IQGAP2: variants seen among roughly 807,000 people sequenced by gnomAD.
IQGAP2 encodes the protein ras GTPase-activating-like protein IQGAP2.
Under a neutral mutation model 201.3 loss-of-function variants are expected in IQGAP2, and 173 were observed. The observed-to-expected ratio is 0.86, with a 90% CI of 0.76 to 0.98. The LOEUF (loss-of-function observed/expected upper bound fraction) is 0.98, where lower values mean the gene tolerates loss of function less well. Among genes scored for constraint, IQGAP2 ranks in the 50% least tolerant of loss-of-function variants. IQGAP2 has a pLI of 0.00. For missense variants in IQGAP2, 1,687 were observed against 1,864.8 expected (o/e 0.90, Z 1.76); for synonymous variants, 675 against 673.9 (o/e 1.00, Z -0.03).
At chr5:76,598,019 G>C (rs992393304) in intron 10 of IQGAP2, among the ~76,000 whole-genome samples, 1 of 152,056 alleles carries the variant, frequency 6.6e-6, no homozygotes, top group Non-Finnish European at 1.5e-5. Context: ...TTTGATTTTT[G>C]TGAACTTGTG....
intron 2 of IQGAP2, among the ~76,000 whole-genome samples, chr5:76,469,554 G>C (rs1754992722): frequency 6.6e-6 from 1 of 152,074 alleles, no homozygotes; most frequent in African/African-American, 2.4e-5. Context: ...ACAGAAGTAT[G>C]CCACCATGTC....
At chr5:76,550,958 G>T (rs1056441076) in intron 2 of IQGAP2, among the ~76,000 whole-genome samples, 1 of 149,976 alleles carries the variant, frequency 6.7e-6, no homozygotes, top group Admixed American at 6.6e-5. Flanking sequence ...CCTCCCTCCC[G>T]GATGGGGCGA....
chr5:76,618,655 G>GA lies in IQGAP2; in HGVS notation c.1521+7475dup, dbSNP rs368293444. 846 of 1,591,102 alleles carry GA rather than the reference G, an allele frequency of 5.3e-4. 5 individuals carry two copies. The African/African-American group carries it at 0.01, about 19-fold the overall frequency. On this transcript the variant is annotated intron_variant, in intron 13 of 35. Coordinates refer to ENST00000274364, the MANE Select transcript of IQGAP2 (RefSeq NM_006633.5). ...TCATTTTCCATGCCTGTAATTGAAA[G>GA]AAAGTATTAACATAAATGTATAGTT... is the stretch of plus-strand genomic sequence containing the variant.
intron 15 of IQGAP2, among the ~76,000 whole-genome samples, chr5:76,632,429 T>C (rs1750786471): frequency 6.6e-6 from 1 of 152,162 alleles, no homozygotes. Flanking sequence ...TAAAGTACAA[T>C]GAGCCAGCCT....
intron 1 of IQGAP2, among the ~76,000 whole-genome samples, chr5:76,418,809 G>C (rs1328358064): frequency 6.6e-6 from 1 of 152,132 alleles, no homozygotes; most frequent in Non-Finnish European, 1.5e-5. Flanking sequence ...TTATTCTCAG[G>C]AAAAGTAGGG....
In IQGAP2 at chr5:76,668,646, A is replaced by AT. The variant is rs112970756; in HGVS notation, c.2680-28dup. 1,669 of 1,563,434 alleles carry AT rather than the reference A, an allele frequency of 1.1e-3. 29 individuals carry two copies. In the African/African-American group the frequency reaches 0.018, roughly 17 times the overall value. ...ATATATTAACTTATTGTTTTGTGGG[A>AT]TTTTTTTGTTTTCTTTTTCCTTCTT... On this transcript the variant is annotated intron_variant, in intron 22 of 35. Transcript: ENST00000274364.
Position 76,407,635 on chromosome 5 carries a change from T to G in IQGAP2, c.46+4044T>G, listed in dbSNP as rs188438117. ...CAAAAGGATCTTTAAGGTCAACAGCTAAAGTGTTATTTTAGTATGGTTTTA... is the reference window on the plus strand; with the variant it reads ...CAAAAGGATCTTTAAGGTCAACAGCGAAAGTGTTATTTTAGTATGGTTTTA... On this transcript the variant is annotated intron_variant, in intron 1 of 35. Transcript: ENST00000274364. Among the ~76,000 whole-genome samples the G allele has an allele frequency of 4.0e-4, 61 of 152,352 alleles. No homozygotes were observed. In the East Asian group the frequency reaches 0.011, roughly 27 times the overall value.
Position 76,627,439 on chromosome 5 carries a change from G to T in IQGAP2, c.1551G>T (p.Trp517Cys). 3 of 1,603,890 alleles carry T rather than the reference G, an allele frequency of 1.9e-6. No homozygotes were observed. Among genetic ancestry groups the T allele is most frequent in the Non-Finnish European group, 1.7e-6 (2 of 1,170,794 alleles). ...GDSESVSKVL[W>C]LDEIQQAVDD... is the part of the protein sequence containing the mutation. ...CTGAGAGTGTTTCCAAAGTGCTTTG[G>T]CTGGATGAGATACAGCAAGCCGTCG... The change falls in exon 14 of 36, where the codon TGG becomes TGT. Residue 517 changes from tryptophan to cysteine, a missense_variant. By Grantham distance (215) the Trp-to-Cys change is radical. Transcript: ENST00000274364.
intron 2 of IQGAP2, among the ~76,000 whole-genome samples, chr5:76,493,707 C>T (rs768885659): frequency 9.9e-5 from 15 of 152,100 alleles, no homozygotes; most frequent in East Asian, 9.6e-4. Context: ...TTTTGTTTAA[C>T]GATGTGTCTC....
intron 13 of IQGAP2, among the ~76,000 whole-genome samples, chr5:76,625,495 G>C (rs1189129374): frequency 1.3e-5 from 2 of 151,954 alleles, no homozygotes; most frequent in Non-Finnish European, 2.9e-5. Flanking sequence ...CTTCCTGTTT[G>C]AGCCTCCCCC....
Position 76,463,087 on chromosome 5 carries a change from C to T in IQGAP2, c.146+1418C>T, listed in dbSNP as rs188918437. Among the ~76,000 whole-genome samples, 659 of 136,098 alleles carry T rather than the reference C, an allele frequency of 4.8e-3. 6 individuals are homozygous for T. Among genetic ancestry groups the T allele is most frequent in the Non-Finnish European group, 7.5e-3 (491 of 65,662 alleles). 89.3% of individuals were successfully genotyped at this position (136,098 alleles called of 152,430 possible). The stretch of plus-strand genomic sequence containing the variant: ...GCAGTGAGCTGAGATCGGGCTGCTG[C>T]ACTCCAGCCTGGGTGGCAGAGTGAG... On this transcript the variant is annotated intron_variant, in intron 2 of 35. Transcript: ENST00000274364.
At chr5:76,496,702 C>CTCTT (rs1225103131) in intron 2 of IQGAP2, among the ~76,000 whole-genome samples, 1,967 of 81,006 alleles carry the variant, frequency 0.024, 135 homozygotes, top group Non-Finnish European at 0.029. Context: ...TTCTTTCTGT[C>CTCTT]TCTTTCTTTC....
chr5:76,480,080 C>T (rs1367558578), intron 2 of IQGAP2, among the ~76,000 whole-genome samples: 2 of 152,178 alleles, frequency 1.3e-5, no homozygotes, highest in Admixed American at 6.5e-5. Context: ...TGCCACTTTA[C>T]GCACCCACAG....
At chr5:76,612,733 T>C (rs1343296646) in intron 13 of IQGAP2, among the ~76,000 whole-genome samples, 2 of 151,830 alleles carry the variant, frequency 1.3e-5, no homozygotes, top group Non-Finnish European at 2.9e-5. Flanking sequence ...GGAATATAGA[T>C]AGGCTTGTGT....
In IQGAP2 at chr5:76,637,292, A is replaced by C. The variant is rs35261603; in HGVS notation, c.1923+116A>C. On this transcript the variant is annotated intron_variant, in intron 16 of 35. Coordinates refer to ENST00000274364, the MANE Select transcript of IQGAP2 (RefSeq NM_006633.5). ...ACTAACTGATTTATCTGAAGTCTGG[A>C]TATGTAATAAAGTCTTCATGAACTG... 7.2e-3 allele frequency: 5,898 copies of C among 822,320 alleles called. 21 individuals are homozygous for C. The highest frequency in any genetic ancestry group is 9.5e-3 in the Non-Finnish European group (5,158 of 540,762). 50.9% of individuals were successfully genotyped at this position (822,320 alleles called of 1,614,324 possible). A position where few individuals can be genotyped will look rare whatever the true frequency, so the allele number is the denominator to read the frequency against.
rs141750292 is a variant in IQGAP2, at chr5:76,676,407, C to G, written c.3528-811C>G. Among the ~76,000 whole-genome samples the G allele has an allele frequency of 5.7e-3, 872 of 152,312 alleles. 11 individuals carry two copies. Among genetic ancestry groups the G allele is most frequent in the African/African-American group, 0.019 (805 of 41,582 alleles). ...CTCCCCCAGCCTCTGGCTGGGAAAG[C>G]AGAGGTCATTTCTGGTACATAAGAC... On this transcript the variant is annotated intron_variant, in intron 27 of 35. Coordinates refer to ENST00000274364, the MANE Select transcript of IQGAP2 (RefSeq NM_006633.5).
At position 76,562,571 on chromosome 5, in the gene IQGAP2, G is replaced by A. The variant is rs1474967936; in HGVS notation, c.303+19G>A. The A allele has an allele frequency of 1.9e-6, 3 of 1,601,170 alleles. No homozygotes were observed. The highest frequency in any genetic ancestry group is 2.6e-6 in the Non-Finnish European group (3 of 1,172,314). On this transcript the variant is annotated intron_variant, in intron 3 of 35. Coordinates refer to ENST00000274364, the MANE Select transcript of IQGAP2 (RefSeq NM_006633.5). ...TTATAAGGTAACCAAGATCTAATTG[G>A]TTTTGGCTTCCAGCTAAAAGTGAAA...
intron 5 of IQGAP2, among the ~76,000 whole-genome samples, chr5:76,576,312 ACATT>A (rs1323285917): frequency 6.6e-6 from 1 of 152,240 alleles, no homozygotes; most frequent in Non-Finnish European, 1.5e-5. Context: ...AAATCAAGAC[ACATT>A]CATTATTTTA....
intron 2 of IQGAP2, among the ~76,000 whole-genome samples, chr5:76,503,992 G>A (rs1471966302): frequency 4.6e-5 from 7 of 152,156 alleles, no homozygotes; most frequent in African/African-American, 1.4e-4. Flanking sequence ...CTAGAATCTT[G>A]TGTCTCACAA....
Sources: allele counts gnomAD v4.1 joint callset (sites outside exome capture counted in the v4.1 genomes callset), GRCh38; gene constraint gnomAD v4.1.1; transcripts MANE v1.5; gene names NCBI Gene and HGNC (gene_info 2026-07-23, HGNC 2026-07-21).